The following SMARCAD1 variants were observed in gnomAD, a reference collection of about 807,000 sequenced individuals.
SMARCAD1 encodes SNF2 related chromatin remodeling ATPase with DExD box 1.
SMARCAD1 carries 25 observed loss-of-function variants against 127.1 expected under a neutral mutation model. That is an observed-to-expected ratio of 0.20 (90% CI 0.14 to 0.27). The LOEUF is 0.27. SMARCAD1 is among the 10% of genes least tolerant of loss of function. SMARCAD1 has a pLI of 1.00. For synonymous variants in SMARCAD1, 400 were observed against 396.9 expected, an observed-to-expected ratio of 1.01 and a Z score of -0.09; for missense variants, 807 against 1,206.0, an observed-to-expected ratio of 0.67 and a Z score of 4.90.
At chr4:94,274,201 T>A (rs1752944663) in intron 12 of SMARCAD1, among the ~76,000 whole-genome samples, 1 of 152,218 alleles carries the variant, frequency 6.6e-6, no homozygotes, top group East Asian at 1.9e-4. Flanking sequence ...TAATATTTGG[T>A]CATCTGCCCT....
intron 2 of SMARCAD1, 148 bp from the exon 3 acceptor site, chr4:94,225,971 A>G: frequency 1.4e-6 from 1 of 712,444 alleles, no homozygotes; most frequent in East Asian, 2.8e-5. Flanking sequence ...GTTGATGATT[A>G]ATTTTTTTCT....
At chr4:94,262,663 T>G (rs1270000722) in intron 9 of SMARCAD1, among the ~76,000 whole-genome samples, 1 of 152,176 alleles carries the variant, frequency 6.6e-6, no homozygotes, top group Non-Finnish European at 1.5e-5. Flanking sequence ...ATCTTTCCAT[T>G]AAAACAGTTC....
chr4:94,290,270 A>G lies in SMARCAD1; in HGVS notation c.*736A>G. 1 of 454,454 alleles carries G rather than the reference A, an allele frequency of 2.2e-6. No individual in the cohort carries two copies. Among genetic ancestry groups the G allele is most frequent in the Non-Finnish European group, 4.4e-6 (1 of 226,764 alleles). The allele number at this position is 454,454 out of a possible 1,614,324, so 28.2% of individuals were successfully genotyped here. A position where few individuals can be genotyped will look rare whatever the true frequency, so the allele number is the denominator to read the frequency against. On this transcript the variant is annotated 3_prime_UTR_variant, in exon 24 of 24. Transcript: ENST00000354268. ...CTAATTGTGCATATTACTCTGCCTA[A>G]TCTTGTGCATGTTTTCATTGATTTC... is the stretch of plus-strand genomic sequence containing the variant.
At position 94,255,668 on chromosome 4, in the gene SMARCAD1, T is replaced by G. The variant is rs552597348; in HGVS notation, c.1281+2661T>G. ...CCTTTCTATACTACTATGACTTATT[T>G]GTCAGATAATTATGCTTTTTGAAAC... is the stretch of plus-strand genomic sequence containing the variant. On this transcript the variant is annotated intron_variant, in intron 9 of 23. Transcript: ENST00000354268. Among the ~76,000 whole-genome samples, 58 of 152,152 alleles carry G rather than the reference T, an allele frequency of 3.8e-4. 2 individuals carry two copies. The South Asian group carries it at 0.011, about 29-fold the overall frequency.
chr4:94,220,918 G>A (rs75231286), intron 2 of SMARCAD1, among the ~76,000 whole-genome samples: 229 of 152,258 alleles, frequency 1.5e-3, no homozygotes, highest in African/African-American at 5.2e-3. Context: ...ACTGCATACC[G>A]TACAACAGTG....
At chr4:94,226,377 T>G in intron 3 of SMARCAD1, 81 bp downstream of exon 3, 1 of 1,198,132 alleles carries the variant, frequency 8.3e-7, no homozygotes, top group Non-Finnish European at 1.2e-6. Context: ...TGAGATATTT[T>G]GGTGACTTCC....
At chr4:94,281,972 G>C (rs771031382) in intron 21 of SMARCAD1, among the ~76,000 whole-genome samples, 1 of 151,786 alleles carries the variant, frequency 6.6e-6, no homozygotes, top group Non-Finnish European at 1.5e-5. Flanking sequence ...CCCGGGGGGC[G>C]GAGGTTGCAG....
intron 10 of SMARCAD1, among the ~76,000 whole-genome samples, chr4:94,267,371 C>CT (rs1381475959): frequency 6.6e-6 from 1 of 152,130 alleles, no homozygotes; most frequent in African/African-American, 2.4e-5. Flanking sequence ...CCATGTCATA[C>CT]TTACGGGACA....
chr4:94,221,123 A>G (rs889671459), intron 2 of SMARCAD1, among the ~76,000 whole-genome samples: 3 of 152,236 alleles, frequency 2.0e-5, no homozygotes, highest in Non-Finnish European at 2.9e-5. Context: ...TTCAAAGGAA[A>G]GTTTGAATTT....
At chr4:94,281,871 A>G (rs1421545515) in intron 21 of SMARCAD1, among the ~76,000 whole-genome samples, 2 of 99,944 alleles carry the variant, frequency 2.0e-5, no homozygotes, top group Admixed American at 1.2e-4. Context: ...AAACACCAAT[A>G]GCAACAACAA....
intron 2 of SMARCAD1, among the ~76,000 whole-genome samples, chr4:94,224,774 T>C (rs1470002334): frequency 6.6e-6 from 1 of 152,208 alleles, no homozygotes; most frequent in East Asian, 1.9e-4. Flanking sequence ...TATATGACTT[T>C]GGGCAAGTTG....
chr4:94,256,077 C>A (rs960205358), intron 9 of SMARCAD1, among the ~76,000 whole-genome samples: 2 of 152,152 alleles, frequency 1.3e-5, no homozygotes, highest in Non-Finnish European at 2.9e-5. Context: ...TCTAGCCTTG[C>A]ACACAGTAGG....
chr4:94,289,150 A>G (rs1247359315), intron 23 of SMARCAD1, among the ~76,000 whole-genome samples: 2 of 152,084 alleles, frequency 1.3e-5, no homozygotes, highest in Admixed American at 1.3e-4. Context: ...TCTTACATAA[A>G]TGTTTTTTAT....
chr4:94,207,813 C>T, upstream of SMARCAD1: 1 of 293,796 alleles, frequency 3.4e-6, no homozygotes. Flanking sequence ...CACCTCTGAA[C>T]CTTCCTGTGT....
At chr4:94,286,505 C>G (rs1387128620) in intron 23 of SMARCAD1, among the ~76,000 whole-genome samples, 2 of 152,182 alleles carry the variant, frequency 1.3e-5, no homozygotes, top group Non-Finnish European at 2.9e-5. Flanking sequence ...CACCTGCAGA[C>G]ACTTAAGCTT....
At chr4:94,264,171 ATAAT>A (rs886552398) in intron 9 of SMARCAD1, among the ~76,000 whole-genome samples, 36 of 152,036 alleles carry the variant, frequency 2.4e-4, no homozygotes, top group Admixed American at 7.2e-4. Flanking sequence ...CAAGTGACAA[ATAAT>A]TAGAGTTTTG....
rs1560557546 is a variant in SMARCAD1 at position 94,270,797 on chromosome 4, T to C, written c.1551T>C (p.Asn517=). ...CATTGGTACATAAACATGGACTTAA[T>C]GGCATTTTGGCAGATGAAATGGTAA... is the stretch of plus-strand genomic sequence containing the variant. ...WLALVHKHGL[N]GILADEMGLG... Residue 517 remains asparagine, a synonymous_variant, in exon 11 of 24, where the codon AAT becomes AAC. Transcript: ENST00000354268. 1 of 1,613,498 alleles carries C rather than the reference T, an allele frequency of 6.2e-7. No individual in the cohort carries two copies. Among genetic ancestry groups the C allele is most frequent in the Admixed American group, 1.7e-5 (1 of 60,018 alleles).
chr4:94,289,757 GT>G lies in SMARCAD1; in HGVS notation c.*225del. 1 of 639,052 alleles carries G rather than the reference GT, an allele frequency of 1.6e-6. No individual in the cohort carries two copies. The highest frequency in any genetic ancestry group is 2.9e-6 in the Non-Finnish European group (1 of 342,224). The allele number at this position is 639,052 out of a possible 1,614,324, so 39.6% of individuals were successfully genotyped here. A position where few individuals can be genotyped will look rare whatever the true frequency, so the allele number is the denominator to read the frequency against. On this transcript the variant is annotated 3_prime_UTR_variant, in exon 24 of 24. Transcript: ENST00000354268. ...GCCACAAATATGTAGTTCTGAAGATGTTGAATAATCATTTTACAAAGCAGTT... is the reference window on the plus strand; with the variant it reads ...GCCACAAATATGTAGTTCTGAAGATGTGAATAATCATTTTACAAAGCAGTT...
chr4:94,211,551 T>G (rs1271991063), intron 2 of SMARCAD1, among the ~76,000 whole-genome samples: 1 of 152,220 alleles, frequency 6.6e-6, no homozygotes, highest in Non-Finnish European at 1.5e-5. Flanking sequence ...TACAGTAAAG[T>G]GTCAGGTCAA....
Sources: allele counts gnomAD v4.1 joint callset (sites outside exome capture counted in the v4.1 genomes callset), GRCh38; gene constraint gnomAD v4.1.1; transcripts MANE v1.5; gene names NCBI Gene and HGNC (gene_info 2026-07-23, HGNC 2026-07-21).